Variants in CTNND2 observed in about 807,000 individuals in gnomAD.
The protein encoded by CTNND2 is catenin delta-2.
CTNND2 carries 22 observed loss-of-function variants against 144.4 expected under a neutral mutation model. That is an observed-to-expected ratio of 0.15 (90% CI 0.11 to 0.22). The LOEUF is 0.22. Among genes scored for constraint, CTNND2 ranks in the 10% least tolerant of loss-of-function variants. CTNND2 has a pLI of 1.00. For synonymous variants in CTNND2, 751 were observed against 695.6 expected (o/e 1.08, Z -1.25); for missense variants, 1,353 against 1,618.8 (o/e 0.84, Z 2.82).
chr5:11,815,784 C>T (rs769820249), intron 1 of CTNND2, among the ~76,000 whole-genome samples: 11 of 152,260 alleles, frequency 7.2e-5, no homozygotes, highest in East Asian at 1.9e-4. Flanking sequence ...CTGAGAGCAG[C>T]GACCATCAGC....
At chr5:11,418,026 C>A (rs1398385010) in intron 3 of CTNND2, among the ~76,000 whole-genome samples, 1 of 151,602 alleles carries the variant, frequency 6.6e-6, no homozygotes, top group African/African-American at 2.4e-5. Flanking sequence ...ATTTGTTGCA[C>A]CCAAATAAGC....
intron 2 of CTNND2, among the ~76,000 whole-genome samples, chr5:11,619,857 C>T (rs1780751135): frequency 6.6e-6 from 1 of 152,090 alleles, no homozygotes; most frequent in Admixed American, 6.6e-5. Context: ...AATGGGCATC[C>T]AGATTGGTGG....
chr5:11,434,820 C>T (rs968071607), intron 3 of CTNND2, among the ~76,000 whole-genome samples: 1 of 152,116 alleles, frequency 6.6e-6, no homozygotes, highest in Admixed American at 6.5e-5. Context: ...GAATGACTCC[C>T]ATATCCCAGG....
chr5:11,535,378 A>G (rs541030220), intron 3 of CTNND2, among the ~76,000 whole-genome samples: 1 of 151,638 alleles, frequency 6.6e-6, no homozygotes, highest in African/African-American at 2.4e-5. Flanking sequence ...ATTATATATC[A>G]CTCTCTCTTG....
chr5:11,542,613 A>G (rs1311028234), intron 3 of CTNND2, among the ~76,000 whole-genome samples: 2 of 152,236 alleles, frequency 1.3e-5, no homozygotes, highest in South Asian at 2.1e-4. Flanking sequence ...AATATACTTA[A>G]GAAGGCATAT....
At chr5:11,763,069 C>A (rs2126808723) in intron 1 of CTNND2, among the ~76,000 whole-genome samples, 1 of 152,082 alleles carries the variant, frequency 6.6e-6, no homozygotes, top group South Asian at 2.1e-4. Context: ...TCTCATGAGA[C>A]CTGGTTGTTT....
At chr5:11,054,553 C>T (rs1217049928) in intron 16 of CTNND2, among the ~76,000 whole-genome samples, 1 of 152,104 alleles carries the variant, frequency 6.6e-6, no homozygotes, top group Admixed American at 6.6e-5. Flanking sequence ...CTGGGATCCC[C>T]TCAGCTGCTC....
At chr5:11,497,214 C>G (rs1242218220) in intron 3 of CTNND2, among the ~76,000 whole-genome samples, 3 of 151,382 alleles carry the variant, frequency 2.0e-5, no homozygotes, top group African/African-American at 4.9e-5. Context: ...TATTGATTCA[C>G]TCATGTGACT....
intron 2 of CTNND2, among the ~76,000 whole-genome samples, chr5:11,679,644 T>A (rs1268795629): frequency 6.6e-6 from 1 of 152,222 alleles, no homozygotes; most frequent in Non-Finnish European, 1.5e-5. Flanking sequence ...GGTCCCTGTC[T>A]TTCCCGACAC....
At position 11,692,286 on chromosome 5, in the gene CTNND2, A is replaced by ATT. The variant is rs1470234470; in HGVS notation, c.174+39848_174+39849dup. Among the ~76,000 whole-genome samples the ATT allele has an allele frequency of 2.6e-4, 40 of 152,078 alleles. 1 individual carries two copies. Among genetic ancestry groups the ATT allele is most frequent in the African/African-American group, 9.0e-4 (37 of 41,338 alleles). Reference sequence around the variant, plus strand: ...TTTCAGAAATTTCAAACAAAAAAAAATTTTAAAAAGTAAAAGAATATGATT... The same window carrying ATT: ...TTTCAGAAATTTCAAACAAAAAAAAATTTTTTAAAAAGTAAAAGAATATGATT... On this transcript the variant is annotated intron_variant, in intron 2 of 21. Coordinates refer to ENST00000304623, the MANE Select transcript of CTNND2 (RefSeq NM_001332.4).
intron 2 of CTNND2, among the ~76,000 whole-genome samples, chr5:11,729,922 T>A (rs1002298698): frequency 2.6e-5 from 4 of 152,174 alleles, no homozygotes; most frequent in African/African-American, 9.7e-5. Context: ...AAATTGTATG[T>A]CCCCAATGGG....
At chr5:11,540,429 T>A (rs1303596289) in intron 3 of CTNND2, among the ~76,000 whole-genome samples, 1 of 152,218 alleles carries the variant, frequency 6.6e-6, no homozygotes. Context: ...CAAGAGTCAC[T>A]GGGAATCCCG....
intron 1 of CTNND2, among the ~76,000 whole-genome samples, chr5:11,848,482 A>T (rs1458485): frequency 0.072 from 11,007 of 152,214 alleles, 1,190 homozygotes; most frequent in African/African-American, 0.24. Context: ...CATAACGTGA[A>T]TTTGGGACTG....
At chr5:11,066,805 T>C (rs368896156) in intron 16 of CTNND2, among the ~76,000 whole-genome samples, 20 of 152,152 alleles carry the variant, frequency 1.3e-4, no homozygotes, top group African/African-American at 4.6e-4. Flanking sequence ...AAGAAGGCAA[T>C]GCTAATGCCA....
At chr5:11,595,723 T>C (rs559536184) in intron 2 of CTNND2, among the ~76,000 whole-genome samples, 3 of 152,346 alleles carry the variant, frequency 2.0e-5, no homozygotes, top group East Asian at 3.9e-4. Flanking sequence ...TATCAATCCA[T>C]GAAATTCACA....
chr5:11,090,653 T>C lies in CTNND2; in HGVS notation c.2638-7807A>G, dbSNP rs546305104. Among the ~76,000 whole-genome samples the C allele has an allele frequency of 8.5e-5, 13 of 152,286 alleles. No homozygotes were observed. In the South Asian group the frequency reaches 1.5e-3, roughly 17 times the overall value. ...CATTCCAAAACTATTCCTCGCCCCA[T>C]TGGATCCACGGAAAAATTGTCTTCC... On this transcript the variant is annotated intron_variant, in intron 15 of 21. Transcript: ENST00000304623.
At chr5:11,222,438 T>C (rs1739894523) in intron 10 of CTNND2, among the ~76,000 whole-genome samples, 1 of 152,180 alleles carries the variant, frequency 6.6e-6, no homozygotes, top group South Asian at 2.1e-4. Flanking sequence ...GGTAGCTACA[T>C]TTCATCACAA....
chr5:11,448,690 A>G (rs995036115), intron 3 of CTNND2, among the ~76,000 whole-genome samples: 6 of 152,146 alleles, frequency 3.9e-5, no homozygotes, highest in African/African-American at 1.4e-4. Context: ...TATTTTTTGA[A>G]CAGGATCTCA....
chr5:11,477,089 TG>T (rs1318737314), intron 3 of CTNND2, among the ~76,000 whole-genome samples: 1 of 152,232 alleles, frequency 6.6e-6, no homozygotes, highest in Non-Finnish European at 1.5e-5. Context: ...AATGAGACTG[TG>T]TTGATTGTCT....
Sources: allele counts gnomAD v4.1 joint callset (sites outside exome capture counted in the v4.1 genomes callset), GRCh38; gene constraint gnomAD v4.1.1; transcripts MANE v1.5; gene names NCBI Gene and HGNC (gene_info 2026-07-23, HGNC 2026-07-21).